TUSC3: variants seen among roughly 807,000 people sequenced by gnomAD.
TUSC3 encodes the protein dolichyl-diphosphooligosaccharide--protein glycosyltransferase subunit TUSC3.
A neutral mutation model predicts 44.8 loss-of-function variants in TUSC3; 45 were observed. The ratio of observed to expected loss-of-function variants is 1.00; its 90% CI spans 0.79 to 1.29. TUSC3 has a LOEUF of 1.29. Ranked by LOEUF, TUSC3 falls within the 50% of genes most tolerant of loss-of-function variation. The probability of loss-of-function intolerance (pLI) is 0.00; values close to 1 mark genes in which losing one functional copy is unlikely to be tolerated. For synonymous variants in TUSC3, 212 were observed against 152.9 expected, an observed-to-expected ratio of 1.39 and a Z score of -2.85; for missense variants, 519 against 437.9, an observed-to-expected ratio of 1.19 and a Z score of -1.65.
intron 6 of TUSC3, among the ~76,000 whole-genome samples, chr8:15,698,098 A>G (rs1809247146): frequency 6.6e-6 from 1 of 152,174 alleles, no homozygotes; most frequent in African/African-American, 2.4e-5. Flanking sequence ...CTTTTATTTT[A>G]TCCCTTAAAA....
intron 2 of TUSC3, among the ~76,000 whole-genome samples, chr8:15,527,118 C>G (rs1400465229): frequency 6.6e-6 from 1 of 152,216 alleles, no homozygotes; most frequent in Non-Finnish European, 1.5e-5. Context: ...TTGGCGTGCA[C>G]TGCTTAGCTG....
At chr8:15,850,064 A>G in the TUSC3 span, among the ~76,000 whole-genome samples, 2 of 150,206 alleles carry the variant, frequency 1.3e-5, no homozygotes, top group Admixed American at 6.6e-5. Context: ...TCTTGGTCCA[A>G]TTGTAGCTCT....
chr8:15,546,545 T>A (rs896277736), intron 1 of TUSC3, among the ~76,000 whole-genome samples: 2 of 151,718 alleles, frequency 1.3e-5, no homozygotes, highest in African/African-American at 4.8e-5. Flanking sequence ...TTTTCTTTTT[T>A]CTTTTGGGAG....
intron 1 of TUSC3, among the ~76,000 whole-genome samples, chr8:15,614,363 T>C (rs1299993631): frequency 1.3e-5 from 2 of 152,158 alleles, no homozygotes; most frequent in African/African-American, 4.8e-5. Context: ...TCAGTAACTT[T>C]AGTGAGTGGT....
intron 1 of TUSC3, among the ~76,000 whole-genome samples, chr8:15,609,464 A>G (rs1224814165): frequency 6.6e-6 from 1 of 152,154 alleles, no homozygotes; most frequent in African/African-American, 2.4e-5. Context: ...CTCATTTCTT[A>G]TATCTGGTAC....
At chr8:15,625,635 C>T (rs1022724034) in intron 2 of TUSC3, among the ~76,000 whole-genome samples, 2 of 152,140 alleles carry the variant, frequency 1.3e-5, no homozygotes, top group Non-Finnish European at 2.9e-5. Flanking sequence ...TCATTGTAGA[C>T]TTGGTTTAGG....
At chr8:15,566,606 T>TG (rs922529856) in intron 1 of TUSC3, among the ~76,000 whole-genome samples, 2 of 143,714 alleles carry the variant, frequency 1.4e-5, no homozygotes, top group African/African-American at 2.5e-5. Context: ...GACACATTTT[T>TG]TTGTTGTTGT....
At chr8:15,706,072 A>T (rs1809604082) in intron 6 of TUSC3, among the ~76,000 whole-genome samples, 1 of 152,024 alleles carries the variant, frequency 6.6e-6, no homozygotes. Flanking sequence ...TACCCTTTGT[A>T]CCTAATTAAA....
At chr8:15,467,450 A>G (rs1037699122) in intron 1 of TUSC3, among the ~76,000 whole-genome samples, 4 of 152,176 alleles carry the variant, frequency 2.6e-5, no homozygotes, top group Non-Finnish European at 5.9e-5. Flanking sequence ...ATACTGCCTT[A>G]GAGTATAATT....
the TUSC3 span, among the ~76,000 whole-genome samples, chr8:15,798,785 A>G: frequency 6.6e-6 from 1 of 152,152 alleles, no homozygotes; most frequent in East Asian, 1.9e-4. Context: ...CAACATTTTA[A>G]AGGAGTTCAC....
At chr8:15,618,057 A>T (rs1805072652) in intron 1 of TUSC3, among the ~76,000 whole-genome samples, 1 of 152,150 alleles carries the variant, frequency 6.6e-6, no homozygotes, top group African/African-American at 2.4e-5. Flanking sequence ...TACAGCAAAG[A>T]TATGGTATAA....
At chr8:15,797,363 T>G in the TUSC3 span, among the ~76,000 whole-genome samples, 1 of 152,142 alleles carries the variant, frequency 6.6e-6, no homozygotes, top group East Asian at 1.9e-4. Flanking sequence ...TTCTTTTTTT[T>G]GGCTTTGAGG....
chr8:15,671,658 C>G (rs354516), intron 5 of TUSC3, among the ~76,000 whole-genome samples: 2,837 of 152,092 alleles, frequency 0.019, 38 homozygotes, highest in Middle Eastern at 0.058. Context: ...ATTTTTTAAA[C>G]TGGTGACATA....
Position 15,600,541 on chromosome 8 carries a change from A to T in TUSC3, c.139-22539A>T, listed in dbSNP as rs1333834120. Among the ~76,000 whole-genome samples, 3 of 151,704 alleles carry T rather than the reference A, an allele frequency of 2.0e-5. No individual in the cohort carries two copies. In the East Asian group the frequency reaches 5.8e-4, roughly 29 times the overall value. ...GTTAAATTTGTTAGGCAAATAGAAG[A>T]TGCTGTTTTATTCTTGTTTGCTTTG... On this transcript the variant is annotated intron_variant, in intron 1 of 10. Transcript: ENST00000503731.
chr8:15,438,349 GC>G (rs1168601422), intron 1 of TUSC3, among the ~76,000 whole-genome samples: 2 of 152,154 alleles, frequency 1.3e-5, no homozygotes, highest in Non-Finnish European at 2.9e-5. Flanking sequence ...GCCTGCCTCG[GC>G]CCCCCAAAGT....
intron 1 of TUSC3, among the ~76,000 whole-genome samples, chr8:15,576,231 A>T (rs1585117385): frequency 6.9e-6 from 1 of 144,316 alleles, no homozygotes; most frequent in East Asian, 2.1e-4. Flanking sequence ...GTAGGTAATT[A>T]AGAATCCTCT....
intron 6 of TUSC3, among the ~76,000 whole-genome samples, chr8:15,712,828 C>A (rs1419200278): frequency 6.6e-6 from 1 of 152,008 alleles, no homozygotes; most frequent in East Asian, 1.9e-4. Context: ...ACCTTATTTC[C>A]TATGTAAACT....
intron 7 of TUSC3, among the ~76,000 whole-genome samples, chr8:15,735,313 CAAGT>C (rs1329114110): frequency 6.6e-6 from 1 of 152,036 alleles, no homozygotes; most frequent in Non-Finnish European, 1.5e-5. Flanking sequence ...ATAAATGTCA[CAAGT>C]AAGGTTCAAG....
chr8:15,524,929 C>T (rs1801353934), intron 2 of TUSC3, among the ~76,000 whole-genome samples: 1 of 152,212 alleles, frequency 6.6e-6, no homozygotes, highest in Admixed American at 6.5e-5. Context: ...ACACAGTTAA[C>T]TAAATTTTAG....
Sources: allele counts gnomAD v4.1 joint callset (sites outside exome capture counted in the v4.1 genomes callset), GRCh38; gene constraint gnomAD v4.1.1; transcripts MANE v1.5; gene names NCBI Gene and HGNC (gene_info 2026-07-23, HGNC 2026-07-21).